The following ATP8A2 variants were observed in gnomAD, a reference collection of about 807,000 sequenced individuals.
ATP8A2 encodes the protein ATPase phospholipid transporting 8A2.
ATP8A2 carries 100 observed loss-of-function variants against 165.6 expected under a neutral mutation model. That is an observed-to-expected ratio of 0.60 (90% CI 0.51 to 0.71). The LOEUF is 0.71. ATP8A2 is among the 30% of genes least tolerant of loss of function. The pLI is 0.00. For missense variants in ATP8A2, 1,227 were observed against 1,479.5 expected (o/e 0.83, Z 2.80); for synonymous variants, 543 against 548.8 (o/e 0.99, Z 0.15).
chr13:25,645,204 TGCA>T (rs2041639587), intron 24 of ATP8A2, among the ~76,000 whole-genome samples: 1 of 152,134 alleles, frequency 6.6e-6, no homozygotes, highest in African/African-American at 2.4e-5. Context: ...CTTACATGGC[TGCA>T]GCAAGAAAAA....
chr13:25,439,692 A>C (rs1209637338), intron 1 of ATP8A2, among the ~76,000 whole-genome samples: 1 of 152,134 alleles, frequency 6.6e-6, no homozygotes, highest in Non-Finnish European at 1.5e-5. Flanking sequence ...CAGGAGGATC[A>C]CTTGAACCCA....
rs217907 is a variant in ATP8A2 at position 25,819,855 on chromosome 13, G to A, written c.2680-8263G>A. Among the ~76,000 whole-genome samples, 707 of 152,210 alleles carry A rather than the reference G, an allele frequency of 4.6e-3. 5 individuals carry two copies. The highest frequency in any genetic ancestry group is 0.016 in the African/African-American group (675 of 41,526). On this transcript the variant is annotated intron_variant, in intron 27 of 36. Transcript: ENST00000381655. ...TTTCAAAAAAAACCTGAAGCATTTTGACATTTAAACAGATATCTTTGGTGC... is the reference window on the plus strand; with the variant it reads ...TTTCAAAAAAAACCTGAAGCATTTTAACATTTAAACAGATATCTTTGGTGC...
intron 27 of ATP8A2, among the ~76,000 whole-genome samples, chr13:25,787,286 C>T (rs1371260762): frequency 4.6e-5 from 7 of 152,226 alleles, no homozygotes; most frequent in Non-Finnish European, 8.8e-5. Flanking sequence ...TTGCATTTCT[C>T]AGAATGCTGT....
intron 35 of ATP8A2, among the ~76,000 whole-genome samples, chr13:25,980,343 T>C: frequency 6.6e-6 from 1 of 152,120 alleles, no homozygotes; most frequent in Non-Finnish European, 1.5e-5. Context: ...CTCAGGGTCA[T>C]ATTTTCTGAG....
intron 33 of ATP8A2, among the ~76,000 whole-genome samples, chr13:25,904,892 C>T (rs12877019): frequency 0.14 from 21,818 of 152,166 alleles, 1,842 homozygotes; most frequent in Non-Finnish European, 0.2. Flanking sequence ...TGCCAAATTG[C>T]CAAATATGGT....
At chr13:25,983,873 C>T (rs763205299) in intron 35 of ATP8A2, among the ~76,000 whole-genome samples, 3 of 151,884 alleles carry the variant, frequency 2.0e-5, no homozygotes, top group Non-Finnish European at 2.9e-5. Context: ...CCAGAGTGCC[C>T]AAGGAAAATT....
intron 25 of ATP8A2, among the ~76,000 whole-genome samples, chr13:25,747,658 G>C (rs969803673): frequency 5.3e-5 from 8 of 152,242 alleles, no homozygotes; most frequent in African/African-American, 1.7e-4. Context: ...GGAGGGGTTT[G>C]TTTAGGGAAG....
intron 27 of ATP8A2, among the ~76,000 whole-genome samples, chr13:25,801,134 T>C (rs985995379): frequency 6.6e-6 from 1 of 152,162 alleles, no homozygotes; most frequent in Non-Finnish European, 1.5e-5. Flanking sequence ...GGAAAGAGAA[T>C]GAACATTTGC....
chr13:25,706,931 T>G (rs2043065371), intron 25 of ATP8A2, among the ~76,000 whole-genome samples: 1 of 152,194 alleles, frequency 6.6e-6, no homozygotes, highest in East Asian at 1.9e-4. Flanking sequence ...GCAATTTTAT[T>G]TGGTTCTAAA....
chr13:25,944,976 A>G (rs1955172605), intron 33 of ATP8A2, among the ~76,000 whole-genome samples: 1 of 152,154 alleles, frequency 6.6e-6, no homozygotes, highest in Non-Finnish European at 1.5e-5. Context: ...GAAATAATGT[A>G]TATAGGCATA....
chr13:25,564,693 AT>A (rs1488162651), intron 16 of ATP8A2, among the ~76,000 whole-genome samples: 9 of 152,116 alleles, frequency 5.9e-5, no homozygotes, highest in Non-Finnish European at 1.0e-4. Context: ...TTATTTATTT[AT>A]TTTTAATTTT....
chr13:25,676,128 T>C (rs1384526674), intron 24 of ATP8A2, among the ~76,000 whole-genome samples: 8 of 152,170 alleles, frequency 5.3e-5, no homozygotes, highest in Non-Finnish European at 1.2e-4. Flanking sequence ...AATATTCTAA[T>C]AGGTAGGCAG....
At chr13:25,587,116 C>T (rs2039943414) in intron 23 of ATP8A2, among the ~76,000 whole-genome samples, 1 of 152,184 alleles carries the variant, frequency 6.6e-6, no homozygotes, top group Non-Finnish European at 1.5e-5. Context: ...TTTGGATTGA[C>T]ATTCTATACC....
At chr13:25,432,802 G>T (rs1040811184) in intron 1 of ATP8A2, among the ~76,000 whole-genome samples, 1 of 152,190 alleles carries the variant, frequency 6.6e-6, no homozygotes, top group Non-Finnish European at 1.5e-5. Context: ...TCAAGTGGTA[G>T]ATGTTCTTTC....
chr13:25,773,301 G>A (rs909823936), intron 26 of ATP8A2, among the ~76,000 whole-genome samples: 4 of 152,148 alleles, frequency 2.6e-5, no homozygotes, highest in Non-Finnish European at 5.9e-5. Context: ...GTGTAGAAAC[G>A]TGATGTAAAC....
Position 25,540,408 on chromosome 13 carries a change from C to G in ATP8A2, c.651+20C>G, listed in dbSNP as rs749978741. The G allele has an allele frequency of 1.9e-6, 3 of 1,569,956 alleles. No individual in the cohort carries two copies. The highest frequency in any genetic ancestry group is 1.7e-4 in the Middle Eastern group (1 of 6,000). ...CGTCAGGTAAAGTCACCTCTGATGA[C>G]TTGTGTTGTTATGGTAGACACAACT... On this transcript the variant is annotated intron_variant, in intron 8 of 36. Coordinates refer to ENST00000381655, the MANE Select transcript of ATP8A2 (RefSeq NM_016529.6).
chr13:25,372,007 G>C lies in ATP8A2; in HGVS notation c.-206G>C, dbSNP rs551839584. 1 of 179,888 alleles carries C rather than the reference G, an allele frequency of 5.6e-6. No individual in the cohort carries two copies. Among genetic ancestry groups the C allele is most frequent in the African/African-American group, 2.4e-5 (1 of 41,918 alleles). The allele number at this position is 179,888 out of a possible 1,614,324, so 11.1% of individuals were successfully genotyped here. On this transcript the variant is annotated 5_prime_UTR_variant, in exon 1 of 37. Coordinates refer to ENST00000381655, the MANE Select transcript of ATP8A2 (RefSeq NM_016529.6). The surrounding 1 kb of genome is among the most constrained non-coding windows in gnomAD (Gnocchi z 4.8). ...GGCCAGCGGGGCCCGCCGCGGTGGCGTTCGCGGATGCTGCCGCATTGGCCG... is the reference window on the plus strand; with the variant it reads ...GGCCAGCGGGGCCCGCCGCGGTGGCCTTCGCGGATGCTGCCGCATTGGCCG...
At chr13:25,841,894 C>T (rs1425009138) in intron 30 of ATP8A2, among the ~76,000 whole-genome samples, 4 of 152,098 alleles carry the variant, frequency 2.6e-5, no homozygotes, top group Non-Finnish European at 5.9e-5. Flanking sequence ...TGTGTCATCC[C>T]ATGGTGGAAG....
At chr13:25,438,425 C>T (rs576638202) in intron 1 of ATP8A2, among the ~76,000 whole-genome samples, 6 of 152,194 alleles carry the variant, frequency 3.9e-5, no homozygotes, top group Admixed American at 2.6e-4. Flanking sequence ...GGGAGGATTG[C>T]TTGAGGCCAG....
Sources: allele counts gnomAD v4.1 joint callset (sites outside exome capture counted in the v4.1 genomes callset), GRCh38; gene constraint gnomAD v4.1.1; non-coding constraint Gnocchi (gnomAD v3.1); transcripts MANE v1.5; gene names NCBI Gene and HGNC (gene_info 2026-07-23, HGNC 2026-07-21).